ATG9A: variants seen among roughly 807,000 people sequenced by gnomAD.
The protein encoded by ATG9A is autophagy related 9A.
A neutral mutation model predicts 87.1 loss-of-function variants in ATG9A; 21 were observed. That is an observed-to-expected ratio of 0.24 (90% CI 0.17 to 0.35). The LOEUF (loss-of-function observed/expected upper bound fraction) is 0.35, where lower values mean the gene tolerates loss of function less well. Among genes scored for constraint, ATG9A ranks in the 10% least tolerant of loss-of-function variants. The probability of loss-of-function intolerance (pLI) is 1.00; values close to 1 mark genes in which losing one functional copy is unlikely to be tolerated. For missense variants in ATG9A, 836 were observed against 1,107.3 expected (o/e 0.76, Z 3.48); for synonymous variants, 422 against 441.3 (o/e 0.96, Z 0.55).
rs990132610 is a variant in ATG9A, at chr2:219,223,338, T to C, written c.1599+247A>G. On this transcript the variant is annotated intron_variant, in intron 10 of 15. Coordinates refer to ENST00000361242, the MANE Select transcript of ATG9A (RefSeq NM_001077198.3). The surrounding 1 kb of genome is among the most constrained non-coding windows in gnomAD (Gnocchi z 4.7). The stretch of plus-strand genomic sequence containing the variant: ...CTCCTGACCTCGTGATCCACCCGCC[T>C]TGGCCTCCCAAAGTGCTGGGATTAC... Among the ~76,000 whole-genome samples, 12 of 152,140 alleles carry C rather than the reference T, an allele frequency of 7.9e-5. No homozygotes were observed. Among genetic ancestry groups the C allele is most frequent in the Non-Finnish European group, 1.8e-4 (12 of 68,020 alleles).
Position 219,222,422 on chromosome 2 carries a change from G to A in ATG9A, c.1877C>T (p.Ala626Val). ...EPLSLIANVV[A>V]GSSCRGPPLP... is the part of the protein sequence containing the mutation. ...TGGAGGGCCCCGGCAGGATGAGCCA[G>A]CTACCACATTTGCGATAAGGCTCAG... Residue 626 changes from alanine (A) to valine (V), a missense_variant, in exon 12 of 16, where the codon GCT becomes GTT. Ala to Val is a moderately conservative substitution (Grantham distance 64, BLOSUM62 0). This residue lies in a region of ATG9A where 324 missense variants were observed against 347.6 expected (regional missense o/e 0.93). Transcript: ENST00000361242. This position sits in a 1 kb window ranked among gnomAD's most constrained non-coding sequence, Gnocchi z 4.3. 1.3e-6 allele frequency: 2 copies of A among 1,576,120 alleles called. No individual in the cohort carries two copies. Among genetic ancestry groups the A allele is most frequent in the South Asian group, 2.3e-5 (2 of 86,136 alleles).
chr2:219,220,877 G>A lies in ATG9A; in HGVS notation c.2384C>T (p.Pro795Leu), dbSNP rs1175563518. ...CCGAGAGAAATGAGAGGGAACCCTG[G>A]GCACTGTGCCAGGATCTGGAGAGAC... ...YGGITDPGTV[P>L]RVPSHFSRLP... Residue 795 changes from proline to leucine, a missense_variant, in exon 15 of 16, where the codon CCC becomes CTC. Physicochemically the swap from Pro to Leu is moderately conservative, Grantham distance 98. Coordinates refer to ENST00000361242, the MANE Select transcript of ATG9A (RefSeq NM_001077198.3). 6.2e-7 allele frequency: 1 copy of A among 1,613,234 alleles called. No individual in the cohort carries two copies.
chr2:219,220,395 C>G lies in ATG9A; in HGVS notation c.*52G>C. 1.2e-6 allele frequency: 2 copies of G among 1,605,402 alleles called. No homozygotes were observed. Among genetic ancestry groups the G allele is most frequent in the Non-Finnish European group, 8.5e-7 (1 of 1,173,336 alleles). On this transcript the variant is annotated 3_prime_UTR_variant, in exon 16 of 16. Transcript: ENST00000361242. ...GTCCCATGGCAGGCAGACGGGATGG[C>G]AGGGCAGCGGTGGCCTCCATCCTGG... is the stretch of plus-strand genomic sequence containing the variant.
rs2276637 is a variant in ATG9A at position 219,224,963 on chromosome 2, G to C, written c.516+108C>G. 1,513,718 of 1,572,856 alleles carry C rather than the reference G, an allele frequency of 0.96. 734,663 individuals carry two copies. Among genetic ancestry groups the C allele is most frequent in the Non-Finnish European group, 0.99 (1,137,263 of 1,151,076 alleles). On this transcript the variant is annotated intron_variant, in intron 7 of 15. Coordinates refer to ENST00000361242, the MANE Select transcript of ATG9A (RefSeq NM_001077198.3). This position sits in a 1 kb window ranked among gnomAD's most constrained non-coding sequence, Gnocchi z 7.7. The stretch of plus-strand genomic sequence containing the variant: ...TCAGGGGTTGTGAGCTTAAGAGACA[G>C]TTCCTGATTTGTCAATGACAGATAA...
Position 219,220,590 on chromosome 2 carries a change from C to A in ATG9A, c.2515-138G>T, listed in dbSNP as rs1036547785. The A allele has an allele frequency of 5.3e-6, 8 of 1,499,228 alleles. No homozygotes were observed. The Admixed American group carries it at 1.4e-4, about 27-fold the overall frequency. The allele number at this position is 1,499,228 out of a possible 1,614,324, so 92.9% of individuals were successfully genotyped here. A position where few individuals can be genotyped will look rare whatever the true frequency, so the allele number is the denominator to read the frequency against. On this transcript the variant is annotated intron_variant, in intron 15 of 15. Transcript: ENST00000361242. The stretch of plus-strand genomic sequence containing the variant: ...TAAGGTAAGGAAAAACCAAGCCCTG[C>A]AGAGCAGTTGAGAAAAGAAGGGGTA...
At chr2:219,228,335 G>A in intron 2 of ATG9A, 99 bp downstream of exon 2, 2 of 350,822 alleles carry the variant, frequency 5.7e-6, no homozygotes, top group African/African-American at 4.2e-5. Context: ...GGACAGAAGA[G>A]TCCCTCCCCC....
At position 219,222,377 on chromosome 2, in the gene ATG9A, C is replaced by A. The variant is rs1469945984; in HGVS notation, c.1922G>T (p.Gly641Val). Residue 641 changes from glycine (G) to valine (V), a missense_variant, in exon 12 of 16, where the codon GGC (glycine) becomes GTC (valine). By Grantham distance (109) the Gly-to-Val change is moderately radical. Transcript: ENST00000361242. This position sits in a 1 kb window ranked among gnomAD's most constrained non-coding sequence, Gnocchi z 4.3. ...GGCGACTTCAGCCCTGTGCCTGGAG[C>A]CCTGCAGGTCTCTGGGCAGTGGAGG... Reference protein sequence around the residue: ...RGPPLPRDLQGSRHRAEVASA... With the variant: ...RGPPLPRDLQVSRHRAEVASA... 5 of 1,609,888 alleles carry A rather than the reference C, an allele frequency of 3.1e-6. No individual in the cohort carries two copies. In the South Asian group the frequency reaches 5.5e-5, roughly 18 times the overall value.
chr2:219,229,316 A>T lies in ATG9A; in HGVS notation c.-82+219T>A, dbSNP rs1950950471. On this transcript the variant is annotated intron_variant, in intron 1 of 15. Coordinates refer to ENST00000361242, the MANE Select transcript of ATG9A (RefSeq NM_001077198.3). The surrounding 1 kb of genome is among the most constrained non-coding windows in gnomAD (Gnocchi z 4.2). Reference sequence around the variant, plus strand: ...GCCCGGCCCCAGGCCAAGGGCTGGCAGCTCCCAACAGCGGACAACCTCGCG... The same window carrying T: ...GCCCGGCCCCAGGCCAAGGGCTGGCTGCTCCCAACAGCGGACAACCTCGCG... 1 of 151,506 alleles carries T rather than the reference A, an allele frequency of 6.6e-6. No homozygotes were observed. Among genetic ancestry groups the T allele is most frequent in the Admixed American group, 6.6e-5 (1 of 15,246 alleles). The allele number at this position is 151,506 out of a possible 1,614,324, so 9.4% of individuals were successfully genotyped here. A position where few individuals can be genotyped will look rare whatever the true frequency, so the allele number is the denominator to read the frequency against.
At chr2:219,221,933 A>G in intron 13 of ATG9A, 117 bp downstream of exon 13, 1 of 858,850 alleles carries the variant, frequency 1.2e-6, no homozygotes, top group Non-Finnish European at 1.8e-6. Flanking sequence ...GGATATTAAG[A>G]AGGTAGATAT....
At chr2:219,221,445 G>A in intron 13 of ATG9A, 143 bp from the exon 14 acceptor site, 3 of 713,678 alleles carry the variant, frequency 4.2e-6, no homozygotes, top group Non-Finnish European at 6.7e-6. Flanking sequence ...TTAATAGTGT[G>A]TAATATACCT....
At chr2:219,227,459 G>C (rs1220445275) in intron 4 of ATG9A, among the ~76,000 whole-genome samples, 4 of 152,110 alleles carry the variant, frequency 2.6e-5, no homozygotes, top group Non-Finnish European at 5.9e-5. Context: ...GGAGGTTGCA[G>C]TGTGTTGAGA....
At position 219,224,789 on chromosome 2, in the gene ATG9A, G is replaced by C; in HGVS notation, c.582C>G (p.His194Gln). 1 of 1,614,206 alleles carries C rather than the reference G, an allele frequency of 6.2e-7. No individual in the cohort carries two copies. The highest frequency in any genetic ancestry group is 1.6e-4 in the Middle Eastern group (1 of 6,062). The change falls in exon 8 of 16, where the codon CAC (histidine) becomes CAG (glutamine). Residue 194 changes from histidine (H) to glutamine (Q), a missense_variant. Physicochemically the swap from His to Gln is conservative, Grantham distance 24. This residue lies in a region of ATG9A where 512 missense variants were observed against 759.6 expected (regional missense o/e 0.67). Coordinates refer to ENST00000361242, the MANE Select transcript of ATG9A (RefSeq NM_001077198.3). The surrounding 1 kb of genome is among the most constrained non-coding windows in gnomAD (Gnocchi z 7.7). ...QARIVQTQKEHQICIHKRELT... is the reference protein window; with the variant it reads ...QARIVQTQKEQQICIHKRELT... ...GCTCACGTTTGTGGATGCAGATCTG[G>C]TGCTCCTTCTGCGTCTGCACGATCC... is the stretch of plus-strand genomic sequence containing the variant.
At chr2:219,225,946 C>CG (rs1950852131) in intron 5 of ATG9A, among the ~76,000 whole-genome samples, 1 of 152,196 alleles carries the variant, frequency 6.6e-6, no homozygotes, top group Non-Finnish European at 1.5e-5. Context: ...CCTTCCCCTT[C>CG]GGCAATGCTA....
chr2:219,223,625 G>T lies in ATG9A; in HGVS notation c.1559C>A (p.Ser520Tyr), dbSNP rs186368413. Residue 520 changes from serine to tyrosine, a missense_variant, in exon 10 of 16, where the codon TCC becomes TAC. Around this residue, in one of 2 missense-constraint regions of ATG9A, gnomAD observed 512 missense variants for 759.6 expected, o/e 0.67. Coordinates refer to ENST00000361242, the MANE Select transcript of ATG9A (RefSeq NM_001077198.3). This position sits in a 1 kb window ranked among gnomAD's most constrained non-coding sequence, Gnocchi z 4.7. ...CTGGCGAACATCCATCTGAGCAAAG[G>T]AGCAGGTATCTCCCACACCAACGAC... is the stretch of plus-strand genomic sequence containing the variant. ...VEVVGVGDTC[S>Y]FAQMDVRQHG... 6.2e-7 allele frequency: 1 copy of T among 1,613,498 alleles called. No individual in the cohort carries two copies.
intron 2 of ATG9A, 142 bp downstream of exon 2, chr2:219,228,292 C>T (rs1411693888): frequency 6.8e-6 from 3 of 444,224 alleles, no homozygotes; most frequent in Non-Finnish European, 1.2e-5. Flanking sequence ...GAATCTGTCC[C>T]TTTGTTGGGG....
intron 5 of ATG9A, among the ~76,000 whole-genome samples, chr2:219,226,119 C>CT (rs894951446): frequency 3.9e-4 from 57 of 147,674 alleles, no homozygotes; most frequent in Middle Eastern, 3.5e-3. Flanking sequence ...GGCCTGCATT[C>CT]TTTTTTTTTT....
rs774420690 is a variant in ATG9A at position 219,224,797 on chromosome 2, T to C, written c.574A>G (p.Lys192Glu). The C allele has an allele frequency of 6.2e-7, 1 of 1,614,180 alleles. No homozygotes were observed. Among genetic ancestry groups the C allele is most frequent in the East Asian group, 2.2e-5 (1 of 44,880 alleles). ...EVQARIVQTQ[K>E]EHQICIHKRE... ...TTGTGGATGCAGATCTGGTGCTCCT[T>C]CTGCGTCTGCACGATCCGGGCCTGC... Residue 192 changes from lysine (K) to glutamate (E), a missense_variant, in exon 8 of 16, where the codon AAG (lysine) becomes GAG (glutamate). Physicochemically the swap from Lys to Glu is moderately conservative, Grantham distance 56. Around this residue, in one of 2 missense-constraint regions of ATG9A, gnomAD observed 512 missense variants for 759.6 expected, o/e 0.67. Transcript: ENST00000361242. This position sits in a 1 kb window ranked among gnomAD's most constrained non-coding sequence, Gnocchi z 7.7.
At position 219,224,427 on chromosome 2, in the gene ATG9A, C is replaced by T. The variant is rs564912563; in HGVS notation, c.944G>A (p.Ser315Asn). ...CTCCCGCTTCAGCACCTCAGCATAG[C>T]TGAAGAAGGCATAGAGGATTTGCCA... ...LIWQILYAFF[S>N]YAEVLKREPG... The change falls in exon 8 of 16, where the codon AGC becomes AAC. Residue 315 changes from serine to asparagine, a missense_variant. Ser to Asn is a conservative substitution (Grantham distance 46). This residue lies in a region of ATG9A where 512 missense variants were observed against 759.6 expected (regional missense o/e 0.67). Transcript: ENST00000361242. This position sits in a 1 kb window ranked among gnomAD's most constrained non-coding sequence, Gnocchi z 7.7. 2 of 1,614,090 alleles carry T rather than the reference C, an allele frequency of 1.2e-6. No homozygotes were observed. Among genetic ancestry groups the T allele is most frequent in the South Asian group, 1.1e-5 (1 of 91,080 alleles).
rs760945184 is a variant in ATG9A at position 219,223,842 on chromosome 2, G to A, written c.1419+27C>T. The A allele has an allele frequency of 1.2e-6, 2 of 1,614,114 alleles. No individual in the cohort carries two copies. The highest frequency in any genetic ancestry group is 3.3e-5 in the Admixed American group (2 of 60,022). ...CCACCGAGCTACCAGCCAGTCTCTA[G>A]CAGGCCCTAACTCCAACTCCACTCA... On this transcript the variant is annotated intron_variant, in intron 9 of 15. Transcript: ENST00000361242. The surrounding 1 kb of genome is among the most constrained non-coding windows in gnomAD (Gnocchi z 4.7).
Sources: gnomAD v4.1 joint callset for allele counts (sites outside exome capture counted in the v4.1 genomes callset) on GRCh38, gnomAD v4.1.1 for gene constraint, gnomAD v4.1.1 regional missense constraint, Gnocchi (gnomAD v3.1) non-coding constraint, MANE v1.5 for transcripts, NCBI Gene and HGNC (gene_info 2026-07-23, HGNC 2026-07-21) for gene names.